DPY19L3: variants seen among roughly 807,000 people sequenced by gnomAD.
DPY19L3 encodes dpy-19 like C-mannosyltransferase 3.
DPY19L3 carries 51 observed loss-of-function variants against 92.3 expected under a neutral mutation model. That is an observed-to-expected ratio of 0.55 (90% CI 0.44 to 0.70). The LOEUF is 0.70. Ranked by LOEUF, DPY19L3 falls within the 30% of genes least tolerant of loss-of-function variation. The probability of loss-of-function intolerance (pLI) is 0.00; values close to 1 mark genes in which losing one functional copy is unlikely to be tolerated. For missense variants in DPY19L3, 706 were observed against 855.9 expected, an observed-to-expected ratio of 0.82 and a Z score of 2.18; for synonymous variants, 309 against 315.2, an observed-to-expected ratio of 0.98 and a Z score of 0.21.
chr19:32,468,225 C>T (rs771782126), intron 15 of DPY19L3: 16 of 930,318 alleles, frequency 1.7e-5, no homozygotes, highest in East Asian at 1.2e-4. Flanking sequence ...CTGCCTGTTG[C>T]GTCATCCATG....
chr19:32,426,933 T>A (rs1231550488), intron 3 of DPY19L3, among the ~76,000 whole-genome samples: 1 of 152,222 alleles, frequency 6.6e-6, no homozygotes, highest in Non-Finnish European at 1.5e-5. Context: ...CACAGTGAGA[T>A]GAGGCGTGCC....
chr19:32,478,911 G>T (rs577413343), intron 17 of DPY19L3, among the ~76,000 whole-genome samples: 23 of 152,220 alleles, frequency 1.5e-4, no homozygotes, highest in African/African-American at 5.1e-4. Context: ...ATGGGGAAGT[G>T]CTGGGTCAGG....
chr19:32,459,111 A>G (rs768993776), intron 12 of DPY19L3, among the ~76,000 whole-genome samples: 8 of 152,174 alleles, frequency 5.3e-5, no homozygotes, highest in Non-Finnish European at 1.2e-4. Context: ...AATTATTAGT[A>G]TCTACTAAAA....
Position 32,463,750 on chromosome 19 carries a change from G to A in DPY19L3, c.1446-119G>A, listed in dbSNP as rs1970114452. Reference sequence around the variant, plus strand: ...ACGAACCCTTCGGCAAATGGCATCTGCATAGTTTTAAGTAAGATTTTGCCG... The same window carrying A: ...ACGAACCCTTCGGCAAATGGCATCTACATAGTTTTAAGTAAGATTTTGCCG... On this transcript the variant is annotated intron_variant, in intron 13 of 18. Transcript: ENST00000392250. 34 of 941,282 alleles carry A rather than the reference G, an allele frequency of 3.6e-5. No individual in the cohort carries two copies. In the South Asian group the frequency reaches 5.4e-4, roughly 15 times the overall value. 58.3% of individuals were successfully genotyped at this position (941,282 alleles called of 1,614,324 possible).
In DPY19L3 at chr19:32,469,723, G is replaced by A. The variant is rs552949445; in HGVS notation, c.1697+910G>A. On this transcript the variant is annotated intron_variant, in intron 16 of 18. Coordinates refer to ENST00000392250, the MANE Select transcript of DPY19L3 (RefSeq NM_001172774.2). ...GTCCTATTGGCTCTTATTTCTGCCG[G>A]CACTTTGTTGTTTTGCCTCAGCATT... Among the ~76,000 whole-genome samples the A allele has an allele frequency of 2.0e-5, 3 of 152,128 alleles. No homozygotes were observed. In the South Asian group the frequency reaches 6.2e-4, roughly 32 times the overall value.
chr19:32,439,609 C>T (rs770020685), intron 7 of DPY19L3, among the ~76,000 whole-genome samples, 167 bp from the exon 8 acceptor site: 19 of 152,156 alleles, frequency 1.2e-4, no homozygotes, highest in Non-Finnish European at 2.5e-4. Flanking sequence ...CAAAGTGTCA[C>T]TTTATGATAG....
intron 4 of DPY19L3, among the ~76,000 whole-genome samples, chr19:32,434,988 A>G (rs145589888): frequency 6.6e-6 from 1 of 152,326 alleles, no homozygotes; most frequent in African/African-American, 2.4e-5. Flanking sequence ...GCCATAATGT[A>G]ATACCACAGA....
Position 32,484,248 on chromosome 19 carries a change from C to A in DPY19L3, c.*2008C>A, listed in dbSNP as rs1347570190. 1 of 152,584 alleles carries A rather than the reference C, an allele frequency of 6.6e-6. No individual in the cohort carries two copies. The highest frequency in any genetic ancestry group is 1.5e-5 in the Non-Finnish European group (1 of 68,042). 9.5% of individuals were successfully genotyped at this position (152,584 alleles called of 1,614,324 possible). ...CATACTTAACACTCTTTCCAAGACA[C>A]TGTGACCATGTACAGTAGCTATTTC... On this transcript the variant is annotated 3_prime_UTR_variant, in exon 19 of 19. Transcript: ENST00000392250.
At chr19:32,435,437 T>C (rs1969107382) in intron 4 of DPY19L3, among the ~76,000 whole-genome samples, 1 of 152,236 alleles carries the variant, frequency 6.6e-6, no homozygotes, top group Non-Finnish European at 1.5e-5. Context: ...TGTGCCAATG[T>C]CATTTTGTAT....
rs532933747 is a variant in DPY19L3 at position 32,415,653 on chromosome 19, A to G, written c.237+4281A>G. Among the ~76,000 whole-genome samples, 712 of 152,336 alleles carry G rather than the reference A, an allele frequency of 4.7e-3. 3 individuals carry two copies. The highest frequency in any genetic ancestry group is 8.5e-3 in the Non-Finnish European group (575 of 68,026). On this transcript the variant is annotated intron_variant, in intron 3 of 18. Transcript: ENST00000392250. The stretch of plus-strand genomic sequence containing the variant: ...GTGGAAAATGGATTTGGGGAGAGCA[A>G]AACTAAAGTCAGGAAACTGCTAAGA...
chr19:32,464,308 ATAAT>A (rs559276582), intron 14 of DPY19L3, among the ~76,000 whole-genome samples: 2 of 151,420 alleles, frequency 1.3e-5, no homozygotes, highest in South Asian at 2.1e-4. Flanking sequence ...TTTCATAAAG[ATAAT>A]TATTTATATA....
At chr19:32,413,714 A>T (rs1035175536) in intron 3 of DPY19L3, among the ~76,000 whole-genome samples, 2 of 150,040 alleles carry the variant, frequency 1.3e-5, no homozygotes, top group Non-Finnish European at 3.0e-5. Flanking sequence ...ACTCGTTTAT[A>T]TATCTTTTTT....
chr19:32,440,253 A>G (rs1021330315), intron 8 of DPY19L3, among the ~76,000 whole-genome samples: 1 of 152,262 alleles, frequency 6.6e-6, no homozygotes, highest in African/African-American at 2.4e-5. Flanking sequence ...AAAGAAATCA[A>G]TAGGTATATA....
rs1459343352 is a variant in DPY19L3, at chr19:32,436,500, T to C, written c.383T>C (p.Leu128Pro). 1 of 1,578,682 alleles carries C rather than the reference T, an allele frequency of 6.3e-7. No homozygotes were observed. Among genetic ancestry groups the C allele is most frequent in the Non-Finnish European group, 8.7e-7 (1 of 1,152,976 alleles). The change falls in exon 5 of 19, where the codon CTC becomes CCC. Residue 128 changes from leucine to proline, a missense_variant. Leu to Pro is a moderately conservative substitution (Grantham distance 98). Transcript: ENST00000392250. The stretch of plus-strand genomic sequence containing the variant: ...ACTGAATCTATGAAGACAATTAACC[T>C]CCTTCAGCGAATGAATATTTACCAA... ...NKTESMKTIN[L>P]LQRMNIYQEV...
At chr19:32,472,457 G>T (rs886716956) in intron 16 of DPY19L3, among the ~76,000 whole-genome samples, 5 of 151,680 alleles carry the variant, frequency 3.3e-5, no homozygotes, top group Admixed American at 1.3e-4. Context: ...TTTTCAAGCA[G>T]AATTAAATGC....
intron 8 of DPY19L3, among the ~76,000 whole-genome samples, chr19:32,443,048 G>A (rs1474480316): frequency 6.6e-6 from 1 of 152,142 alleles, no homozygotes; most frequent in Non-Finnish European, 1.5e-5. Context: ...TCAACAGGGA[G>A]GTTGAGACTC....
intron 2 of DPY19L3, among the ~76,000 whole-genome samples, chr19:32,409,998 T>G (rs1162561431): frequency 7.2e-5 from 11 of 152,170 alleles, no homozygotes; most frequent in Non-Finnish European, 1.5e-5. Flanking sequence ...TTTGGTGGCT[T>G]TTACTCACTG....
chr19:32,450,862 A>G (rs1458544504), intron 8 of DPY19L3, among the ~76,000 whole-genome samples: 1 of 152,174 alleles, frequency 6.6e-6, no homozygotes, highest in Non-Finnish European at 1.5e-5. Context: ...ATGGTATATG[A>G]ATTATATCAA....
chr19:32,426,491 C>G (rs1968769418), intron 3 of DPY19L3, among the ~76,000 whole-genome samples: 2 of 152,214 alleles, frequency 1.3e-5, no homozygotes, highest in African/African-American at 4.8e-5. Flanking sequence ...CTTATCATCT[C>G]TAGCTTTCCA....
Sources: gnomAD v4.1 joint callset for allele counts (sites outside exome capture counted in the v4.1 genomes callset) on GRCh38, gnomAD v4.1.1 for gene constraint, MANE v1.5 for transcripts, NCBI Gene and HGNC (gene_info 2026-07-23, HGNC 2026-07-21) for gene names.